The following XRCC2 variants were observed in gnomAD, a reference collection of about 807,000 sequenced individuals.
The protein encoded by XRCC2 is DNA repair protein XRCC2.
Under a neutral mutation model 27.3 loss-of-function variants are expected in XRCC2, and 24 were observed. That is an observed-to-expected ratio of 0.88 (90% confidence interval 0.64 to 1.24). The LOEUF (loss-of-function observed/expected upper bound fraction) is 1.24, where lower values mean the gene tolerates loss of function less well. Among genes scored for constraint, XRCC2 ranks in the 50% most tolerant of loss-of-function variants. The pLI, the probability that XRCC2 is intolerant of heterozygous loss-of-function variation, is 0.00. For missense variants in XRCC2, 321 were observed against 325.8 expected (o/e 0.99, Z 0.11); for synonymous variants, 106 against 115.4 (o/e 0.92, Z 0.52).
intron 1 of XRCC2, among the ~76,000 whole-genome samples, chr7:152,670,457 T>C (rs968365566): frequency 5.3e-5 from 8 of 152,200 alleles, no homozygotes; most frequent in Non-Finnish European, 8.8e-5. Context: ...TATTTAGAAG[T>C]TCAGGTTTGG....
intron 1 of XRCC2, among the ~76,000 whole-genome samples, chr7:152,667,763 C>T (rs2098036577): frequency 6.6e-6 from 1 of 152,076 alleles, no homozygotes; most frequent in East Asian, 1.9e-4. Flanking sequence ...TTGTTGCTCA[C>T]ACCCATAATC....
In XRCC2 at chr7:152,647,454, C is replaced by T. The variant is rs966281815; in HGVS notation, c.*1188G>A. ...CTGTTGCAATTGTTTTTGGCGTCTT[C>T]GTCATGAAATCTTTGCCTGTGCCTA... On this transcript the variant is annotated 3_prime_UTR_variant, in exon 3 of 3. Transcript: ENST00000359321. The T allele has an allele frequency of 4.0e-5, 6 of 149,562 alleles. No homozygotes were observed. Among genetic ancestry groups the T allele is most frequent in the East Asian group, 3.9e-4 (2 of 5,188 alleles). 9.3% of individuals were successfully genotyped at this position (149,562 alleles called of 1,614,324 possible).
At chr7:152,665,730 C>T (rs1469596095) in intron 1 of XRCC2, among the ~76,000 whole-genome samples, 2 of 152,014 alleles carry the variant, frequency 1.3e-5, no homozygotes, top group African/African-American at 4.8e-5. Flanking sequence ...GATCCACCTG[C>T]CTTGGCCTCC....
chr7:152,665,829 A>C (rs1250886970), intron 1 of XRCC2, among the ~76,000 whole-genome samples: 1 of 152,136 alleles, frequency 6.6e-6, no homozygotes, highest in Non-Finnish European at 1.5e-5. Context: ...CTTTAGGAAA[A>C]CTACTACTTG....
At chr7:152,660,852 C>A in intron 1 of XRCC2, 70 bp from the exon 2 acceptor site, 1 of 1,330,758 alleles carries the variant, frequency 7.5e-7, no homozygotes. Flanking sequence ...ATATTTATAC[C>A]ATTTTCCGAA....
intron 1 of XRCC2, among the ~76,000 whole-genome samples, chr7:152,661,746 T>G (rs1484978277): frequency 6.6e-6 from 1 of 152,158 alleles, no homozygotes; most frequent in African/African-American, 2.4e-5. Context: ...TTTGGGAGCT[T>G]ATCTTTGGCT....
chr7:152,665,009 A>C (rs1437131129), intron 1 of XRCC2, among the ~76,000 whole-genome samples: 1 of 152,088 alleles, frequency 6.6e-6, no homozygotes, highest in Non-Finnish European at 1.5e-5. Context: ...ACGAGCATGC[A>C]CAGAACTCCA....
intron 1 of XRCC2, among the ~76,000 whole-genome samples, chr7:152,671,490 C>T (rs2098038163): frequency 6.6e-6 from 1 of 152,124 alleles, no homozygotes; most frequent in South Asian, 2.1e-4. Flanking sequence ...ATTACAATCA[C>T]AATCATAAAT....
intron 1 of XRCC2, among the ~76,000 whole-genome samples, chr7:152,675,034 G>A (rs1387554060): frequency 6.6e-6 from 1 of 151,902 alleles, no homozygotes; most frequent in African/African-American, 2.4e-5. Flanking sequence ...CCACAAAAAT[G>A]TTTGCTGACT....
rs1264216454 is a variant in XRCC2 at position 152,646,980 on chromosome 7, G to A, written c.*1662C>T. ...GTATCTCTGTCTTTATCCCCACACT[G>A]TCTTCCACAATGGCTGAACTAATTT... On this transcript the variant is annotated 3_prime_UTR_variant, in exon 3 of 3. Transcript: ENST00000359321. 6.6e-6 allele frequency: 1 copy of A among 152,182 alleles called. No homozygotes were observed. The highest frequency in any genetic ancestry group is 2.4e-5 in the African/African-American group (1 of 41,436). The allele number at this position is 152,182 out of a possible 1,614,324, so 9.4% of individuals were successfully genotyped here. A position where few individuals can be genotyped will look rare whatever the true frequency, so the allele number is the denominator to read the frequency against.
At chr7:152,660,206 G>C (rs561917221) in intron 2 of XRCC2, among the ~76,000 whole-genome samples, 29 of 152,152 alleles carry the variant, frequency 1.9e-4, no homozygotes, top group Non-Finnish European at 2.9e-4. Context: ...TCTAAAGTCA[G>C]CTGTGGTAAC....
chr7:152,649,097 G>C lies in XRCC2; in HGVS notation c.388C>G (p.Leu130Val). The stretch of plus-strand genomic sequence containing the variant: ...CAAAACATACTTTCTAGTGAGTAAA[G>C]TGTAAGAAGTAAGTGGGTGCTACTA... ...CSSSTHLLLT[L>V]YSLESMFCSH... Residue 130 changes from leucine (L) to valine (V), a missense_variant, in exon 3 of 3, where the codon CTT (leucine) becomes GTT (valine). Transcript: ENST00000359321. The C allele has an allele frequency of 6.2e-7, 1 of 1,614,182 alleles. No individual in the cohort carries two copies. Among genetic ancestry groups the C allele is most frequent in the Non-Finnish European group, 8.5e-7 (1 of 1,180,038 alleles).
chr7:152,670,726 A>T (rs2098037843), intron 1 of XRCC2, among the ~76,000 whole-genome samples: 1 of 151,806 alleles, frequency 6.6e-6, no homozygotes, highest in African/African-American at 2.4e-5. Context: ...CAGCCTCCTG[A>T]GTTGCTGGGA....
At chr7:152,664,731 G>C (rs908053718) in intron 1 of XRCC2, among the ~76,000 whole-genome samples, 3 of 152,050 alleles carry the variant, frequency 2.0e-5, no homozygotes, top group African/African-American at 7.3e-5. Context: ...AGAGTAGGTA[G>C]ACAGACAGGT....
chr7:152,655,028 C>T (rs1271090179), intron 2 of XRCC2, among the ~76,000 whole-genome samples: 1 of 152,088 alleles, frequency 6.6e-6, no homozygotes, highest in African/African-American at 2.4e-5. Flanking sequence ...TTGAAGTCAC[C>T]GTCTCATATG....
At chr7:152,664,679 A>G (rs1212525827) in intron 1 of XRCC2, among the ~76,000 whole-genome samples, 1 of 152,090 alleles carries the variant, frequency 6.6e-6, no homozygotes, top group Non-Finnish European at 1.5e-5. Flanking sequence ...CAGCTTGCAG[A>G]TGGTGTGTCT....
chr7:152,655,054 C>G (rs3218499), intron 2 of XRCC2, among the ~76,000 whole-genome samples: 26,032 of 152,156 alleles, frequency 0.17, 2,563 homozygotes, highest in South Asian at 0.23. Flanking sequence ...GTGGCTGCTA[C>G]AGCATCCTTG....
chr7:152,667,272 TG>T (rs1202190107), intron 1 of XRCC2, among the ~76,000 whole-genome samples: 1 of 151,720 alleles, frequency 6.6e-6, no homozygotes, highest in Non-Finnish European at 1.5e-5. Flanking sequence ...CCAGGCGTGG[TG>T]GCACATGCCT....
chr7:152,663,618 C>T (rs1590135478), intron 1 of XRCC2, among the ~76,000 whole-genome samples: 1 of 152,072 alleles, frequency 6.6e-6, no homozygotes, highest in African/African-American at 2.4e-5. Flanking sequence ...GCAGGAGGCT[C>T]GCTTGAGCCC....
Sources: gnomAD v4.1 joint callset for allele counts (sites outside exome capture counted in the v4.1 genomes callset) on GRCh38, gnomAD v4.1.1 for gene constraint, MANE v1.5 for transcripts, NCBI Gene and HGNC (gene_info 2026-07-23, HGNC 2026-07-21) for gene names.